Variants in DHX57 observed in about 807,000 individuals in gnomAD.
DHX57 encodes the protein putative ATP-dependent RNA helicase DHX57.
DHX57 carries 105 observed loss-of-function variants against 156.2 expected under a neutral mutation model. The observed-to-expected ratio is 0.67, with a 90% CI of 0.57 to 0.79. The LOEUF (loss-of-function observed/expected upper bound fraction) is 0.79. DHX57 is among the 30% of genes least tolerant of loss of function. DHX57 has a pLI of 0.00. For missense variants in DHX57, 1,847 were observed against 1,661.9 expected, an observed-to-expected ratio of 1.11 and a Z score of -1.94; for synonymous variants, 704 against 595.6, an observed-to-expected ratio of 1.18 and a Z score of -2.65.
intron 1 of DHX57, among the ~76,000 whole-genome samples, chr2:38,869,397 C>T (rs1293531335): frequency 6.6e-6 from 1 of 152,140 alleles, no homozygotes; most frequent in East Asian, 1.9e-4. Flanking sequence ...GACTGTTGGC[C>T]AACTAGTTTG....
At chr2:38,806,469 G>C (rs2148532549) in intron 22 of DHX57, 90 bp downstream of exon 22, 2 of 1,442,224 alleles carry the variant, frequency 1.4e-6, no homozygotes, top group Non-Finnish European at 1.9e-6. Flanking sequence ...GGGACAGCAA[G>C]TGATAGAACA....
At chr2:38,841,656 T>A (rs866244248) in intron 12 of DHX57, among the ~76,000 whole-genome samples, 3 of 152,176 alleles carry the variant, frequency 2.0e-5, no homozygotes, top group Non-Finnish European at 4.4e-5. Context: ...ATAAACACCC[T>A]TTTTTGGGAA....
At chr2:38,841,008 A>G (rs1671963756) in intron 12 of DHX57, among the ~76,000 whole-genome samples, 2 of 152,258 alleles carry the variant, frequency 1.3e-5, no homozygotes, top group South Asian at 2.1e-4. Context: ...TTTGTAGTAG[A>G]GACAAGGTCT....
intron 22 of DHX57, among the ~76,000 whole-genome samples, chr2:38,805,571 G>T (rs1218001125): frequency 6.6e-6 from 1 of 152,130 alleles, no homozygotes; most frequent in African/African-American, 2.4e-5. Flanking sequence ...GGGGATAAAA[G>T]GCAAATCTTA....
chr2:38,814,555 C>T (rs1182139360), intron 20 of DHX57, among the ~76,000 whole-genome samples: 1 of 152,158 alleles, frequency 6.6e-6, no homozygotes, highest in Non-Finnish European at 1.5e-5. Flanking sequence ...TCAGGTTCAT[C>T]TTACAGAAGT....
In DHX57 at chr2:38,848,371, C is replaced by T. The variant is rs1672400536; in HGVS notation, c.2062G>A (p.Val688Ile). 1 of 1,606,752 alleles carries T rather than the reference C, an allele frequency of 6.2e-7. No homozygotes were observed. Among genetic ancestry groups the T allele is most frequent in the South Asian group, 1.1e-5 (1 of 89,010 alleles). The change falls in exon 10 of 24, where the codon GTA becomes ATA. Residue 688 changes from valine to isoleucine, a missense_variant. Val to Ile is a conservative substitution (Grantham distance 29). Transcript: ENST00000457308. Reference protein sequence around the residue: ...DFLLLVLKDIVSQRPGLQVIL... With the variant: ...DFLLLVLKDIISQRPGLQVIL... ...ACTTGAAGACCTGGCCTCTGCGATA[C>T]AATGTCCTTCAAAACTAGCAGCAAG... is the stretch of plus-strand genomic sequence containing the variant.
chr2:38,813,929 A>G, intron 20 of DHX57, 34 bp from the exon 21 acceptor site: 1 of 1,607,744 alleles, frequency 6.2e-7, no homozygotes, highest in East Asian at 2.2e-5. Context: ...TTAACAAGTG[A>G]TATGGCTATT....
At chr2:38,811,208 C>T in intron 21 of DHX57, 1 of 495,612 alleles carries the variant, frequency 2.0e-6, no homozygotes. Context: ...ATCACTGCGG[C>T]CCTTGGACTG....
chr2:38,823,337 C>A, intron 16 of DHX57, 68 bp from the exon 17 acceptor site: 1 of 1,416,580 alleles, frequency 7.1e-7, no homozygotes, highest in Non-Finnish European at 9.6e-7. Flanking sequence ...GGAATAATTT[C>A]TTTTGTGAGT....
At position 38,806,705 on chromosome 2, in the gene DHX57, G is replaced by A. The variant is rs745796195; in HGVS notation, c.3682-12C>T. 2 of 1,611,596 alleles carry A rather than the reference G, an allele frequency of 1.2e-6. No homozygotes were observed. The highest frequency in any genetic ancestry group is 2.2e-5 in the East Asian group (1 of 44,844). ...TCTGGGCTTTTCACCTAAACAACAA[G>A]TATTTGTAAAAATAGACATATAATA... is the stretch of plus-strand genomic sequence containing the variant. On this transcript the variant is annotated splice_polypyrimidine_tract_variant and intron_variant, in intron 21 of 23. Coordinates refer to ENST00000457308, the MANE Select transcript of DHX57 (RefSeq NM_198963.3).
At chr2:38,858,466 T>C (rs1043071734) in intron 6 of DHX57, among the ~76,000 whole-genome samples, 195 bp downstream of exon 6, 2 of 152,248 alleles carry the variant, frequency 1.3e-5, no homozygotes, top group Admixed American at 1.3e-4. Context: ...GTGTTTGCTA[T>C]GTACCAGCTA....
chr2:38,861,698 G>A lies in DHX57; in HGVS notation c.712C>T (p.Gln238Ter). 6.2e-7 allele frequency: 1 copy of A among 1,614,142 alleles called. No homozygotes were observed. The highest frequency in any genetic ancestry group is 2.2e-5 in the East Asian group (1 of 44,870). Residue 238 changes from glutamine (Q) to a stop codon, truncating the protein, a stop_gained, in exon 5 of 24, where the codon CAG becomes TAG. Transcript: ENST00000457308. LOFTEE classifies it high-confidence loss of function. ...ERMKISEAVNQISLDECMEQR... is the reference protein window; with the variant it reads ...ERMKISEAVN ...TCCATACACTCATCCAAGCTTATCT[G>A]GTTGACTGCCTCAGAGATCTTCATC...
Position 38,802,826 on chromosome 2 carries a change from C to T in DHX57, c.3906G>A (p.Val1302=). The change falls in exon 23 of 24, where the codon GTG becomes GTA. Residue 1302 remains valine (V), a synonymous_variant. Transcript: ENST00000457308. The part of the protein sequence containing the change: ...VFIRDCSMVS[V]YPLVLFGGGQ... ...CTCCTCCAAACAAGACCAGCGGGTA[C>T]ACAGACACCATGCTGCAGTCTCGGA... The T allele has an allele frequency of 6.2e-7, 1 of 1,614,188 alleles. No individual in the cohort carries two copies. The highest frequency in any genetic ancestry group is 8.5e-7 in the Non-Finnish European group (1 of 1,180,026).
At position 38,854,225 on chromosome 2, in the gene DHX57, A is replaced by G. The variant is rs201213964; in HGVS notation, c.1906-47T>C. The G allele has an allele frequency of 4.0e-4, 629 of 1,589,648 alleles. 1 individual carries two copies. Among genetic ancestry groups the G allele is most frequent in the Middle Eastern group, 8.4e-4 (5 of 5,942 alleles). On this transcript the variant is annotated intron_variant, in intron 8 of 23. Transcript: ENST00000457308. Reference sequence around the variant, plus strand: ...TAAATCATTAATAAAATTTTCAAAAAAAGGAAACATTACTGGAAAGCCATT... The same window carrying G: ...TAAATCATTAATAAAATTTTCAAAAGAAGGAAACATTACTGGAAAGCCATT...
intron 22 of DHX57, among the ~76,000 whole-genome samples, chr2:38,804,997 T>C (rs1260021132): frequency 6.6e-6 from 1 of 152,206 alleles, no homozygotes; most frequent in Non-Finnish European, 1.5e-5. Context: ...GCAGAGACTG[T>C]GTCCATCTAG....
chr2:38,865,056 T>C (rs1328068564), intron 2 of DHX57, among the ~76,000 whole-genome samples: 1 of 152,246 alleles, frequency 6.6e-6, no homozygotes, highest in African/African-American at 2.4e-5. Flanking sequence ...AACCACTCTC[T>C]TAGTTTCCTA....
intron 1 of DHX57, among the ~76,000 whole-genome samples, chr2:38,868,896 G>A (rs1665219001): frequency 6.6e-6 from 1 of 152,064 alleles, no homozygotes; most frequent in South Asian, 2.1e-4. Flanking sequence ...CTGCCTCCTG[G>A]GTTCAAGCAA....
rs1372512795 is a variant in DHX57, at chr2:38,818,969, T to G, written c.3388-9A>C. 1 of 1,614,062 alleles carries G rather than the reference T, an allele frequency of 6.2e-7. No homozygotes were observed. Among genetic ancestry groups the G allele is most frequent in the South Asian group, 1.1e-5 (1 of 91,088 alleles). On this transcript the variant is annotated splice_polypyrimidine_tract_variant and intron_variant, in intron 18 of 23. Coordinates refer to ENST00000457308, the MANE Select transcript of DHX57 (RefSeq NM_198963.3). ...GTACTTAGCTGCCATCCCTAAATTT[T>G]GGAGAAAATCAAACTGAACTTACTC...
Position 38,863,225 on chromosome 2 carries a change from C to T in DHX57, c.383+136G>A, listed in dbSNP as rs1466041562. ...TGGCTGAATAATTATTCTTGTATTA[C>T]TCTTGGCTCACTTTCAACTAATTAA... On this transcript the variant is annotated intron_variant, in intron 3 of 23. Coordinates refer to ENST00000457308, the MANE Select transcript of DHX57 (RefSeq NM_198963.3). 8.9e-6 allele frequency: 8 copies of T among 897,496 alleles called. No homozygotes were observed. The East Asian group carries it at 1.9e-4, about 21-fold the overall frequency. The allele number at this position is 897,496 out of a possible 1,614,324, so 55.6% of individuals were successfully genotyped here.
Sources: allele counts gnomAD v4.1 joint callset (sites outside exome capture counted in the v4.1 genomes callset), GRCh38; gene constraint gnomAD v4.1.1; transcripts MANE v1.5; gene names NCBI Gene and HGNC (gene_info 2026-07-23, HGNC 2026-07-21).